The following ZPBP variants were observed in gnomAD, a reference collection of about 807,000 sequenced individuals.
The protein encoded by ZPBP is zona pellucida binding protein, also known as zona pellucida-binding protein 1.
A neutral mutation model predicts 44.8 loss-of-function variants in ZPBP; 26 were observed. That is an observed-to-expected ratio of 0.58 (90% CI 0.43 to 0.81). The LOEUF (loss-of-function observed/expected upper bound fraction) is 0.81. Ranked by LOEUF, ZPBP falls within the 30% of genes least tolerant of loss-of-function variation. The pLI is 0.00. For missense variants in ZPBP, 409 were observed against 434.0 expected (o/e 0.94, Z 0.51); for synonymous variants, 174 against 153.2 (o/e 1.14, Z -1.00).
chr7:49,973,014 G>C (rs906828655), intron 7 of ZPBP, among the ~76,000 whole-genome samples: 4 of 151,840 alleles, frequency 2.6e-5, no homozygotes, highest in African/African-American at 9.7e-5. Context: ...TGTCAAAACT[G>C]GATATCCACA....
At chr7:49,925,246 T>C (rs1260100696) in intron 1 of ZPBP, among the ~76,000 whole-genome samples, 3 of 152,190 alleles carry the variant, frequency 2.0e-5, no homozygotes, top group Non-Finnish European at 2.9e-5. Flanking sequence ...TGTACAGATA[T>C]AGTATGCACA....
intron 6 of ZPBP, among the ~76,000 whole-genome samples, chr7:49,988,046 A>C (rs1797394383): frequency 6.6e-6 from 1 of 152,192 alleles, no homozygotes; most frequent in Admixed American, 6.5e-5. Flanking sequence ...AATCTTGCGA[A>C]AGAAATTTCA....
chr7:50,089,495 A>T, intron 2 of ZPBP, 134 bp downstream of exon 2: 2 of 678,654 alleles, frequency 2.9e-6, no homozygotes, highest in South Asian at 1.9e-5. Flanking sequence ...AACAACTTTA[A>T]TCCACTTCTG....
chr7:49,986,566 G>T (rs903394642), intron 6 of ZPBP, among the ~76,000 whole-genome samples: 1 of 152,182 alleles, frequency 6.6e-6, no homozygotes, highest in Admixed American at 6.5e-5. Flanking sequence ...CCTCCTTGTT[G>T]GAAGAACCAT....
intron 4 of ZPBP, among the ~76,000 whole-genome samples, chr7:50,037,856 C>CT (rs1021630942): frequency 8.5e-5 from 13 of 152,156 alleles, no homozygotes; most frequent in African/African-American, 3.1e-4. Context: ...ACCCAGCTTT[C>CT]AGTTAATAGA....
rs140972567 is a variant in ZPBP at position 50,067,431 on chromosome 7, T to C, written c.335-9290A>G. Among the ~76,000 whole-genome samples the C allele has an allele frequency of 2.0e-3, 309 of 152,320 alleles. 1 individual carries two copies. Among genetic ancestry groups the C allele is most frequent in the African/African-American group, 7.0e-3 (293 of 41,580 alleles). ...TGTGTAAATATTTGTCCTTTGGTCT[T>C]TTGCTAGCCAAAGAGTTCTTGTCAG... is the stretch of plus-strand genomic sequence containing the variant. On this transcript the variant is annotated intron_variant, in intron 3 of 7. Coordinates refer to ENST00000046087, the MANE Select transcript of ZPBP (RefSeq NM_007009.3).
chr7:49,986,251 G>T (rs1416346435), intron 6 of ZPBP, among the ~76,000 whole-genome samples: 1 of 152,122 alleles, frequency 6.6e-6, no homozygotes, highest in African/African-American at 2.4e-5. Flanking sequence ...CGTTGCTCCT[G>T]GGGGTCAGGA....
At chr7:49,920,631 G>A (rs1210419793) in intron 1 of ZPBP, 5 of 151,976 alleles carry the variant, frequency 3.3e-5, no homozygotes, top group South Asian at 2.1e-4. Flanking sequence ...ATGTCAATAC[G>A]GCTACATAAA....
intron 2 of ZPBP, among the ~76,000 whole-genome samples, chr7:49,860,102 A>C (rs1287504695): frequency 6.6e-6 from 1 of 152,030 alleles, no homozygotes; most frequent in Admixed American, 6.6e-5. Flanking sequence ...TAATTGTGGC[A>C]AAAAAATGAC....
At chr7:49,863,995 T>G (rs980860604) in intron 2 of ZPBP, among the ~76,000 whole-genome samples, 7 of 152,214 alleles carry the variant, frequency 4.6e-5, no homozygotes, top group African/African-American at 1.7e-4. Context: ...CCCTTTAGTT[T>G]TGCAAAAATC....
At chr7:49,991,169 C>G (rs975045744) in intron 6 of ZPBP, among the ~76,000 whole-genome samples, 1 of 151,968 alleles carries the variant, frequency 6.6e-6, no homozygotes, top group African/African-American at 2.4e-5. Context: ...CTTGAATGAA[C>G]TGGAGAGAAA....
chr7:49,897,608 C>T (rs966254689), intron 2 of ZPBP, among the ~76,000 whole-genome samples: 20 of 152,178 alleles, frequency 1.3e-4, no homozygotes, highest in Admixed American at 2.6e-4. Flanking sequence ...TCTTGGATCC[C>T]TCAGAGGTCA....
At chr7:49,865,332 A>T (rs1440338538) in intron 2 of ZPBP, among the ~76,000 whole-genome samples, 2 of 152,214 alleles carry the variant, frequency 1.3e-5, no homozygotes, top group African/African-American at 4.8e-5. Flanking sequence ...GATATCTTTG[A>T]TAATTTACTG....
At chr7:49,998,207 C>T (rs181916036) in intron 6 of ZPBP, among the ~76,000 whole-genome samples, 4 of 152,340 alleles carry the variant, frequency 2.6e-5, no homozygotes, top group South Asian at 2.1e-4. Context: ...TGAACCACCA[C>T]GCCCAGCCTA....
At chr7:50,060,028 C>T (rs949980412) in intron 3 of ZPBP, among the ~76,000 whole-genome samples, 1 of 152,096 alleles carries the variant, frequency 6.6e-6, no homozygotes, top group South Asian at 2.1e-4. Context: ...GAGCAAGAAG[C>T]TAGGGAACCG....
chr7:50,084,929 C>T (rs1010552882), intron 2 of ZPBP, among the ~76,000 whole-genome samples: 3 of 152,012 alleles, frequency 2.0e-5, no homozygotes, highest in Admixed American at 6.6e-5. Context: ...TAATCAAATA[C>T]AGCAATCCAG....
chr7:49,882,736 CA>C (rs1791723156), intron 2 of ZPBP, among the ~76,000 whole-genome samples: 1 of 152,166 alleles, frequency 6.6e-6, no homozygotes, highest in Non-Finnish European at 1.5e-5. Context: ...TAAGGCCACA[CA>C]AGAAGCACAG....
At chr7:49,959,774 A>C (rs947331052) in intron 7 of ZPBP, among the ~76,000 whole-genome samples, 5 of 152,254 alleles carry the variant, frequency 3.3e-5, no homozygotes, top group Non-Finnish European at 7.4e-5. Flanking sequence ...ATAATTCAAA[A>C]AACAGGGAAA....
intron 1 of ZPBP, among the ~76,000 whole-genome samples, chr7:49,923,038 CAA>C (rs1057309542): frequency 3.9e-5 from 6 of 151,986 alleles, no homozygotes; most frequent in African/African-American, 1.5e-4. Context: ...AGATTAGAAA[CAA>C]CTTAAGAGAA....
Sources: allele counts gnomAD v4.1 joint callset (sites outside exome capture counted in the v4.1 genomes callset), GRCh38; gene constraint gnomAD v4.1.1; transcripts MANE v1.5; gene names NCBI Gene and HGNC (gene_info 2026-07-23, HGNC 2026-07-21).